The following PDSS1 variants were observed in gnomAD, a reference collection of about 807,000 sequenced individuals.
PDSS1 encodes the protein all trans-polyprenyl-diphosphate synthase PDSS1.
A neutral mutation model predicts 57.5 loss-of-function variants in PDSS1; 43 were observed. The ratio of observed to expected loss-of-function variants is 0.75; its 90% confidence interval spans 0.59 to 0.96. The LOEUF (loss-of-function observed/expected upper bound fraction) is 0.96. Among genes scored for constraint, PDSS1 ranks in the 50% least tolerant of loss-of-function variants. The pLI is 0.00. For missense variants in PDSS1, 438 were observed against 527.8 expected, an observed-to-expected ratio of 0.83 and a Z score of 1.67; for synonymous variants, 175 against 191.3, an observed-to-expected ratio of 0.91 and a Z score of 0.70.
intron 8 of PDSS1, among the ~76,000 whole-genome samples, chr10:26,727,500 T>A (rs1236042719): frequency 8.0e-5 from 12 of 150,846 alleles, no homozygotes; most frequent in Admixed American, 2.6e-4. Flanking sequence ...TTTTTTTTTT[T>A]AATTCATTTT....
intron 8 of PDSS1, among the ~76,000 whole-genome samples, chr10:26,725,726 A>G (rs1835930645): frequency 6.6e-6 from 1 of 152,132 alleles, no homozygotes; most frequent in African/African-American, 2.4e-5. Flanking sequence ...TATCCTTAAG[A>G]GGATGTGTTA....
At chr10:26,731,711 G>A (rs944624839) in intron 8 of PDSS1, among the ~76,000 whole-genome samples, 2 of 152,238 alleles carry the variant, frequency 1.3e-5, no homozygotes, top group African/African-American at 4.8e-5. Flanking sequence ...GTCCAGTAGA[G>A]GAGAATGTAT....
chr10:26,698,843 GC>G (rs1280379744), intron 1 of PDSS1, among the ~76,000 whole-genome samples: 1 of 152,206 alleles, frequency 6.6e-6, no homozygotes, highest in Non-Finnish European at 1.5e-5. Flanking sequence ...CAAGGCTTGG[GC>G]CAGGCACAGT....
chr10:26,707,082 G>A (rs1393846554), intron 4 of PDSS1, among the ~76,000 whole-genome samples: 2 of 152,114 alleles, frequency 1.3e-5, no homozygotes, highest in Non-Finnish European at 2.9e-5. Flanking sequence ...CCGTCTCCCC[G>A]GATTCTTCCC....
chr10:26,716,965 C>T (rs1314314418), intron 5 of PDSS1, among the ~76,000 whole-genome samples: 1 of 152,140 alleles, frequency 6.6e-6, no homozygotes, highest in Non-Finnish European at 1.5e-5. Flanking sequence ...ATCTTAAGGA[C>T]AGTGTGAGGT....
chr10:26,727,752 CAT>C (rs1302571459), intron 8 of PDSS1, among the ~76,000 whole-genome samples: 2 of 151,912 alleles, frequency 1.3e-5, no homozygotes, highest in East Asian at 3.9e-4. Flanking sequence ...AAAGGGAAAA[CAT>C]ATTTTTCTGT....
At chr10:26,746,032 T>C (rs954951577) in intron 11 of PDSS1, among the ~76,000 whole-genome samples, 2 of 152,182 alleles carry the variant, frequency 1.3e-5, no homozygotes, top group African/African-American at 4.8e-5. Context: ...ACTTTGTACA[T>C]AGAACTTCTG....
intron 8 of PDSS1, among the ~76,000 whole-genome samples, chr10:26,725,676 C>A (rs1835928378): frequency 6.6e-6 from 1 of 152,214 alleles, no homozygotes; most frequent in East Asian, 1.9e-4. Context: ...GATCCATCCT[C>A]TTAACACATT....
chr10:26,729,218 TA>T (rs1836080266), intron 8 of PDSS1, among the ~76,000 whole-genome samples: 1 of 152,140 alleles, frequency 6.6e-6, no homozygotes, highest in Non-Finnish European at 1.5e-5. Flanking sequence ...TGGCAGGAGA[TA>T]TTCAGCCCTG....
intron 5 of PDSS1, 171 bp from the exon 6 acceptor site, chr10:26,720,047 T>C: frequency 1.1e-6 from 1 of 879,892 alleles, no homozygotes; most frequent in Non-Finnish European, 1.7e-6. Context: ...GGGTTTCTCA[T>C]ACATTTGTAA....
At chr10:26,735,710 G>T in intron 10 of PDSS1, 131 bp downstream of exon 10, 1 of 708,786 alleles carries the variant, frequency 1.4e-6, no homozygotes. Flanking sequence ...TCACAGGTCT[G>T]CATTTGATCC....
chr10:26,707,939 C>G (rs1218560311), intron 4 of PDSS1, among the ~76,000 whole-genome samples: 1 of 152,254 alleles, frequency 6.6e-6, no homozygotes, highest in African/African-American at 2.4e-5. Flanking sequence ...TCCTTCTAGT[C>G]TGCCTCTTGT....
intron 10 of PDSS1, among the ~76,000 whole-genome samples, chr10:26,738,880 G>A (rs1354467367): frequency 2.0e-5 from 3 of 152,050 alleles, no homozygotes; most frequent in African/African-American, 7.2e-5. Context: ...AAGTCCCAGG[G>A]GATGACAGCG....
chr10:26,732,848 C>T (rs951831992), intron 8 of PDSS1, among the ~76,000 whole-genome samples: 7 of 152,150 alleles, frequency 4.6e-5, no homozygotes, highest in Non-Finnish European at 5.9e-5. Context: ...AGGCCGGGCA[C>T]GGTGGCTCAC....
Position 26,724,031 on chromosome 10 carries a change from G to A in PDSS1, c.739G>A (p.Gly247Arg). ...DLVRGEFLQLGSKENENERFA... is the reference protein window; with the variant it reads ...DLVRGEFLQLRSKENENERFA... ...CTTTATAGGTGAATTTCTTCAGCTC[G>A]GGTCAAAAGAAAATGAGAATGAAAG... Residue 247 changes from glycine (G) to arginine (R), a missense_variant, in exon 8 of 12, where the codon GGG becomes AGG. Gly to Arg is a moderately radical substitution (Grantham distance 125). Coordinates refer to ENST00000376215, the MANE Select transcript of PDSS1 (RefSeq NM_014317.5). 6 of 1,613,664 alleles carry A rather than the reference G, an allele frequency of 3.7e-6. No homozygotes were observed. The highest frequency in any genetic ancestry group is 5.1e-6 in the Non-Finnish European group (6 of 1,179,662).
chr10:26,728,632 T>C (rs1294134717), intron 8 of PDSS1, among the ~76,000 whole-genome samples: 2 of 152,194 alleles, frequency 1.3e-5, no homozygotes, highest in African/African-American at 4.8e-5. Context: ...TCATTTCTTC[T>C]ATATCACTCT....
At chr10:26,709,517 T>C in intron 4 of PDSS1, 121 bp from the exon 5 acceptor site, 1 of 948,714 alleles carries the variant, frequency 1.1e-6, no homozygotes, top group Admixed American at 1.7e-5. Flanking sequence ...GCTGAGATCG[T>C]TCCATTGCAC....
intron 8 of PDSS1, among the ~76,000 whole-genome samples, chr10:26,729,740 G>C (rs1319912158): frequency 6.6e-6 from 1 of 152,018 alleles, no homozygotes; most frequent in Non-Finnish European, 1.5e-5. Flanking sequence ...GTGTGGTTGT[G>C]TTATTATTTG....
intron 2 of PDSS1, among the ~76,000 whole-genome samples, chr10:26,703,629 T>C (rs1835113156): frequency 6.6e-6 from 1 of 152,146 alleles, no homozygotes; most frequent in South Asian, 2.1e-4. Context: ...ATATAAAGCA[T>C]GAAGGAGGAT....
Sources: gnomAD v4.1 joint callset for allele counts (sites outside exome capture counted in the v4.1 genomes callset) on GRCh38, gnomAD v4.1.1 for gene constraint, MANE v1.5 for transcripts, NCBI Gene and HGNC (gene_info 2026-07-23, HGNC 2026-07-21) for gene names.